ATG7: variants seen among roughly 807,000 people sequenced by gnomAD.
The protein encoded by ATG7 is ubiquitin-like modifier-activating enzyme ATG7.
Under a neutral mutation model 82.4 loss-of-function variants are expected in ATG7, and 70 were observed. The ratio of observed to expected loss-of-function variants is 0.85; its 90% CI spans 0.70 to 1.04. The LOEUF (loss-of-function observed/expected upper bound fraction) is 1.04. Ranked by LOEUF, ATG7 falls within the 50% of genes least tolerant of loss-of-function variation. The pLI is 0.00. For missense variants in ATG7, 792 were observed against 864.3 expected (o/e 0.92, Z 1.05); for synonymous variants, 287 against 313.0 (o/e 0.92, Z 0.88).
chr3:11,471,822 C>A (rs2087578541), intron 20 of ATG7, among the ~76,000 whole-genome samples: 1 of 140,642 alleles, frequency 7.1e-6, no homozygotes, highest in African/African-American at 2.6e-5. Flanking sequence ...TCACTGCAAC[C>A]TCTGCCTCAG....
intron 20 of ATG7, among the ~76,000 whole-genome samples, chr3:11,439,749 A>G (rs2083704066): frequency 6.6e-6 from 1 of 152,228 alleles, no homozygotes; most frequent in East Asian, 1.9e-4. Context: ...CTCCAAGTGC[A>G]GGAGAGAAAA....
chr3:11,392,563 C>G (rs1055026338), intron 19 of ATG7, among the ~76,000 whole-genome samples: 1 of 152,014 alleles, frequency 6.6e-6, no homozygotes, highest in Non-Finnish European at 1.5e-5. Flanking sequence ...TTGGCAGGCA[C>G]CCAGGCCCAG....
chr3:11,534,147 C>T (rs1378712255), intron 20 of ATG7, among the ~76,000 whole-genome samples: 1 of 152,214 alleles, frequency 6.6e-6, no homozygotes, highest in Admixed American at 6.5e-5. Context: ...GGGCTTGTCA[C>T]CTGCACACAC....
intron 20 of ATG7, among the ~76,000 whole-genome samples, chr3:11,498,175 G>A (rs960994024): frequency 6.6e-6 from 1 of 151,668 alleles, no homozygotes; most frequent in African/African-American, 2.4e-5. Context: ...ACATACATAT[G>A]TACATAACCC....
intron 19 of ATG7, among the ~76,000 whole-genome samples, chr3:11,386,014 G>C (rs941319197): frequency 2.6e-5 from 4 of 152,120 alleles, no homozygotes; most frequent in African/African-American, 4.8e-5. Flanking sequence ...ACCTAGCACC[G>C]AGCTTTTTAG....
intron 19 of ATG7, among the ~76,000 whole-genome samples, chr3:11,384,176 C>T (rs758962601): frequency 9.2e-5 from 14 of 152,148 alleles, no homozygotes; most frequent in Non-Finnish European, 1.9e-4. Context: ...TTTTTTCAGA[C>T]CTGCAGAGTC....
At chr3:11,514,881 C>G (rs142654230) in intron 20 of ATG7, among the ~76,000 whole-genome samples, 257 of 149,854 alleles carry the variant, frequency 1.7e-3, no homozygotes, top group African/African-American at 5.9e-3. Context: ...CGCTCTGTCA[C>G]CCAGGCTGGA....
chr3:11,281,677 G>C (rs890118302), intron 2 of ATG7, among the ~76,000 whole-genome samples: 2 of 151,786 alleles, frequency 1.3e-5, no homozygotes, highest in Admixed American at 1.3e-4. Context: ...GGGAGGCTGA[G>C]GCAGGAGAAT....
intron 20 of ATG7, among the ~76,000 whole-genome samples, chr3:11,430,662 A>G (rs1396284473): frequency 6.6e-6 from 1 of 152,238 alleles, no homozygotes; most frequent in Non-Finnish European, 1.5e-5. Flanking sequence ...CTGTGCTAGT[A>G]ACTGAATACA....
At chr3:11,511,762 A>G (rs1418225457) in intron 20 of ATG7, among the ~76,000 whole-genome samples, 4 of 152,308 alleles carry the variant, frequency 2.6e-5, no homozygotes, top group South Asian at 2.1e-4. Context: ...GCTAAGGCCC[A>G]GCGAGAAATC....
At chr3:11,320,032 G>A (rs1037221661) in intron 9 of ATG7, among the ~76,000 whole-genome samples, 21 of 152,074 alleles carry the variant, frequency 1.4e-4, no homozygotes, top group African/African-American at 5.1e-4. Context: ...TCTTTAATAC[G>A]GCCTACAAGA....
intron 20 of ATG7, among the ~76,000 whole-genome samples, chr3:11,434,194 T>TTTTTG (rs1174472259): frequency 6.6e-6 from 1 of 152,196 alleles, no homozygotes; most frequent in Non-Finnish European, 1.5e-5. Flanking sequence ...CTGTGGAATA[T>TTTTTG]TTTTGTTTTG....
chr3:11,468,232 C>T (rs1288470518), intron 20 of ATG7, among the ~76,000 whole-genome samples: 1 of 152,082 alleles, frequency 6.6e-6, no homozygotes, highest in Non-Finnish European at 1.5e-5. Flanking sequence ...TTATTTTTAC[C>T]ATTTGGATTT....
intron 20 of ATG7, among the ~76,000 whole-genome samples, chr3:11,463,902 C>T (rs940235386): frequency 3.9e-5 from 6 of 152,082 alleles, no homozygotes; most frequent in Non-Finnish European, 7.4e-5. Flanking sequence ...TGTAAAGGAA[C>T]GTGGTTGGTG....
chr3:11,277,253 A>G (rs1160823940), intron 1 of ATG7: 1 of 152,216 alleles, frequency 6.6e-6, no homozygotes, highest in East Asian at 1.9e-4. Context: ...TGCCTTTACT[A>G]AAATAGAGAT....
At chr3:11,471,626 GTGA>G (rs1387418781) in intron 20 of ATG7, among the ~76,000 whole-genome samples, 6 of 148,682 alleles carry the variant, frequency 4.0e-5, no homozygotes, top group Admixed American at 2.0e-4. Flanking sequence ...TATTCCCCAG[GTGA>G]TGGTCAAATG....
Position 11,462,687 on chromosome 3 carries a change from C to A in ATG7, c.2079+35761C>A, listed in dbSNP as rs193132084. On this transcript the variant is annotated intron_variant, in intron 20 of 20. Coordinates refer to ENST00000693202, the MANE Select transcript of ATG7 (RefSeq NM_001349232.2). ...TTAGTTCGCATGTCAGAAGTGTACT[C>A]CTGGCTGGGCCCTTTGCTGGCTCTA... is the stretch of plus-strand genomic sequence containing the variant. 1.1e-4 allele frequency among the ~76,000 whole-genome samples: 16 copies of A among 152,154 alleles called. No homozygotes were observed. The East Asian group carries it at 3.1e-3, about 30-fold the overall frequency.
intron 18 of ATG7, among the ~76,000 whole-genome samples, chr3:11,378,255 G>A (rs1483251110): frequency 6.6e-6 from 1 of 150,652 alleles, no homozygotes; most frequent in Non-Finnish European, 1.5e-5. Flanking sequence ...GACCTCAGGT[G>A]ATCTGCCCGC....
intron 20 of ATG7, among the ~76,000 whole-genome samples, chr3:11,438,719 T>C (rs1345041703): frequency 6.6e-6 from 1 of 152,150 alleles, no homozygotes; most frequent in Non-Finnish European, 1.5e-5. Flanking sequence ...GGCAAATTAG[T>C]GCATTTGCTG....
Sources: allele counts gnomAD v4.1 joint callset (sites outside exome capture counted in the v4.1 genomes callset), GRCh38; gene constraint gnomAD v4.1.1; transcripts MANE v1.5; gene names NCBI Gene and HGNC (gene_info 2026-07-23, HGNC 2026-07-21).